Variants in NRXN3 observed in about 807,000 individuals in gnomAD.
NRXN3 encodes neurexin 3, also known as neurexin III.
NRXN3 carries 32 observed loss-of-function variants against 137.6 expected under a neutral mutation model. That is an observed-to-expected ratio of 0.23 (90% CI 0.18 to 0.31). NRXN3 has a LOEUF of 0.31. Ranked by LOEUF, NRXN3 falls within the 10% of genes least tolerant of loss-of-function variation. The probability of loss-of-function intolerance (pLI) is 1.00; values close to 1 mark genes in which losing one functional copy is unlikely to be tolerated. For missense variants in NRXN3, 1,574 were observed against 2,062.5 expected, an observed-to-expected ratio of 0.76 and a Z score of 4.59; for synonymous variants, 798 against 784.5, an observed-to-expected ratio of 1.02 and a Z score of -0.29.
At chr14:78,571,976 G>A (rs2096894042) in intron 4 of NRXN3, among the ~76,000 whole-genome samples, 1 of 152,160 alleles carries the variant, frequency 6.6e-6, no homozygotes, top group Non-Finnish European at 1.5e-5. Flanking sequence ...ACTCCTTGTG[G>A]TGTGTTTGTT....
chr14:79,046,767 G>C (rs1267776821), intron 15 of NRXN3, among the ~76,000 whole-genome samples: 1 of 152,114 alleles, frequency 6.6e-6, no homozygotes, highest in Non-Finnish European at 1.5e-5. Context: ...AATTACATGA[G>C]ATAAAACAGC....
chr14:79,404,097 G>A (rs1427950579), intron 15 of NRXN3, among the ~76,000 whole-genome samples: 1 of 152,084 alleles, frequency 6.6e-6, no homozygotes, highest in African/African-American at 2.4e-5. Context: ...AGCAAACACT[G>A]ACAAATGAGA....
At chr14:79,287,970 G>T (rs979367340) in intron 15 of NRXN3, among the ~76,000 whole-genome samples, 3 of 152,088 alleles carry the variant, frequency 2.0e-5, no homozygotes, top group African/African-American at 7.2e-5. Context: ...TGAGTGAGAT[G>T]ATCTCTCCAA....
chr14:78,209,499 C>A (rs767612655), intron 1 of NRXN3, among the ~76,000 whole-genome samples: 2 of 152,296 alleles, frequency 1.3e-5, no homozygotes, highest in African/African-American at 4.8e-5. Context: ...ACTTACAGTT[C>A]GGCATGGCTG....
intron 15 of NRXN3, among the ~76,000 whole-genome samples, chr14:79,207,684 A>G (rs1597283390): frequency 6.6e-6 from 1 of 152,204 alleles, no homozygotes; most frequent in Admixed American, 6.5e-5. Context: ...TTCTGCCACA[A>G]CCTACCACTA....
At chr14:79,206,292 A>G (rs2066774355) in intron 15 of NRXN3, among the ~76,000 whole-genome samples, 1 of 152,160 alleles carries the variant, frequency 6.6e-6, no homozygotes, top group Non-Finnish European at 1.5e-5. Flanking sequence ...GGGCCTTCGG[A>G]GGCAGGTAAT....
chr14:79,357,812 G>C (rs2093479751), intron 15 of NRXN3, among the ~76,000 whole-genome samples: 1 of 152,158 alleles, frequency 6.6e-6, no homozygotes, highest in Non-Finnish European at 1.5e-5. Context: ...TCATAGAATT[G>C]ACACGTCATG....
chr14:78,665,206 A>G (rs1194456301), intron 6 of NRXN3, among the ~76,000 whole-genome samples: 1 of 152,232 alleles, frequency 6.6e-6, no homozygotes, highest in Non-Finnish European at 1.5e-5. Flanking sequence ...GTATTAGTCC[A>G]TTCTCACACT....
At chr14:78,638,169 C>A (rs2097582756) in intron 4 of NRXN3, among the ~76,000 whole-genome samples, 1 of 152,156 alleles carries the variant, frequency 6.6e-6, no homozygotes, top group Admixed American at 6.5e-5. Flanking sequence ...GTGACCCAGG[C>A]AGTGTGGAAA....
At chr14:78,285,859 G>C (rs957437609) in intron 3 of NRXN3, among the ~76,000 whole-genome samples, 1 of 152,188 alleles carries the variant, frequency 6.6e-6, no homozygotes, top group Admixed American at 6.5e-5. Context: ...CGTGTAATTA[G>C]ATTGGAAGGG....
chr14:78,529,074 T>G (rs563567737), intron 4 of NRXN3, among the ~76,000 whole-genome samples: 2 of 152,298 alleles, frequency 1.3e-5, no homozygotes, highest in South Asian at 4.1e-4. Flanking sequence ...CTCTTCTTGC[T>G]AGTGGAGCTA....
chr14:78,598,268 G>A (rs1488282050), intron 4 of NRXN3, among the ~76,000 whole-genome samples: 1 of 152,140 alleles, frequency 6.6e-6, no homozygotes, highest in Non-Finnish European at 1.5e-5. Flanking sequence ...CCTCAGACTT[G>A]GCTTGGTGGT....
intron 1 of NRXN3, among the ~76,000 whole-genome samples, chr14:78,193,432 C>A (rs1397628024): frequency 6.6e-6 from 1 of 152,110 alleles, no homozygotes; most frequent in African/African-American, 2.4e-5. Flanking sequence ...TGTTAGGAAA[C>A]ACAGGCTAGC....
chr14:79,146,353 A>G (rs1182906526), intron 15 of NRXN3, among the ~76,000 whole-genome samples: 1 of 152,200 alleles, frequency 6.6e-6, no homozygotes, highest in Non-Finnish European at 1.5e-5. Flanking sequence ...AAGGCTCTTA[A>G]GGAATCCTCT....
intron 4 of NRXN3, among the ~76,000 whole-genome samples, chr14:78,587,644 C>T (rs369590487): frequency 3.3e-5 from 5 of 152,146 alleles, no homozygotes; most frequent in Admixed American, 1.3e-4. Flanking sequence ...TCTACACATT[C>T]GCAACTATTT....
chr14:78,672,871 T>C lies in NRXN3; in HGVS notation c.1221+21545T>C, dbSNP rs577674833. ...CCTGGTTCTCATTTCTAAGGGTTTA[T>C]TATACTGGAGATTTCATGAAAATAG... On this transcript the variant is annotated intron_variant, in intron 6 of 20. Transcript: ENST00000335750. Among the ~76,000 whole-genome samples, 11 of 152,332 alleles carry C rather than the reference T, an allele frequency of 7.2e-5. No individual in the cohort carries two copies. In the South Asian group the frequency reaches 2.1e-3, roughly 29 times the overall value.
intron 4 of NRXN3, among the ~76,000 whole-genome samples, chr14:78,476,906 T>C (rs1338219892): frequency 6.6e-6 from 1 of 152,210 alleles, no homozygotes; most frequent in Non-Finnish European, 1.5e-5. Context: ...TGTTTCTTTT[T>C]GGGCTCGTAT....
intron 16 of NRXN3, among the ~76,000 whole-genome samples, chr14:79,505,789 T>C (rs903853297): frequency 2.0e-5 from 3 of 152,246 alleles, no homozygotes; most frequent in African/African-American, 7.2e-5. Context: ...TTGATGTGTG[T>C]ATTAGCTTTT....
intron 10 of NRXN3, among the ~76,000 whole-genome samples, chr14:78,826,555 G>A (rs745423268): frequency 1.3e-5 from 2 of 152,194 alleles, no homozygotes; most frequent in Admixed American, 6.5e-5. Context: ...TGGGTTCTAA[G>A]TGACTGCACT....
Sources: allele counts gnomAD v4.1 joint callset (sites outside exome capture counted in the v4.1 genomes callset), GRCh38; gene constraint gnomAD v4.1.1; transcripts MANE v1.5; gene names NCBI Gene and HGNC (gene_info 2026-07-23, HGNC 2026-07-21).